Variants in AP2A1 observed in about 807,000 individuals in gnomAD.
AP2A1 encodes adaptor related protein complex 2 subunit alpha 1.
In AP2A1, 21 loss-of-function variants were observed where a neutral mutation model predicts 107.3. That is an observed-to-expected ratio of 0.20 (90% confidence interval 0.14 to 0.28). The LOEUF is 0.28. AP2A1 is among the 10% of genes least tolerant of loss of function. The probability of loss-of-function intolerance (pLI) is 1.00; values close to 1 mark genes in which losing one functional copy is unlikely to be tolerated. For synonymous variants in AP2A1, 602 were observed against 564.8 expected, an observed-to-expected ratio of 1.07 and a Z score of -0.93; for missense variants, 873 against 1,307.7, an observed-to-expected ratio of 0.67 and a Z score of 5.13.
intron 1 of AP2A1, among the ~76,000 whole-genome samples, chr19:49,770,836 G>A (rs1293389435): frequency 6.6e-6 from 1 of 152,072 alleles, no homozygotes; most frequent in East Asian, 1.9e-4. Flanking sequence ...GGGAGTGACT[G>A]CTCATGAATG....
intron 4 of AP2A1, among the ~76,000 whole-genome samples, chr19:49,786,934 C>G (rs766762928): frequency 6.6e-6 from 1 of 152,176 alleles, no homozygotes; most frequent in Non-Finnish European, 1.5e-5. Context: ...TAGGCTGCCC[C>G]CTCCACACTG....
chr19:49,777,076 G>GAAAAA (rs563994455), intron 1 of AP2A1, among the ~76,000 whole-genome samples: 15 of 139,006 alleles, frequency 1.1e-4, no homozygotes, highest in Middle Eastern at 3.6e-3. Flanking sequence ...TAAAAATGCG[G>GAAAAA]AAAAAAAAAA....
At chr19:49,773,067 T>C (rs1201329555) in intron 1 of AP2A1, among the ~76,000 whole-genome samples, 2 of 151,734 alleles carry the variant, frequency 1.3e-5, no homozygotes, top group Non-Finnish European at 2.9e-5. Context: ...CAGGAGGATC[T>C]GAAGGGCACA....
At chr19:49,778,193 G>C (rs2084636437) in intron 1 of AP2A1, among the ~76,000 whole-genome samples, 1 of 152,152 alleles carries the variant, frequency 6.6e-6, no homozygotes, top group African/African-American at 2.4e-5. Context: ...GTTTTGTTGT[G>C]GTGTGAACAT....
In AP2A1 at chr19:49,807,015, T is replaced by C. The variant is rs1373264986; in HGVS notation, c.*257T>C. 6.6e-7 allele frequency: 1 copy of C among 1,511,264 alleles called. No individual in the cohort carries two copies. The highest frequency in any genetic ancestry group is 2.0e-5 in the Admixed American group (1 of 50,098). The allele number at this position is 1,511,264 out of a possible 1,614,324, so 93.6% of individuals were successfully genotyped here. ...GGGAGAGGGGCCAGGGAAGTGGATG[T>C]CTCCTCCCCTCCCACCCCACCCTGT... is the stretch of plus-strand genomic sequence containing the variant. On this transcript the variant is annotated 3_prime_UTR_variant, in exon 23 of 23. Coordinates refer to ENST00000354293, the MANE Select transcript of AP2A1 (RefSeq NM_130787.3).
intron 1 of AP2A1, among the ~76,000 whole-genome samples, chr19:49,775,129 G>A (rs563399286): frequency 6.6e-5 from 10 of 152,124 alleles, no homozygotes; most frequent in Non-Finnish European, 1.5e-4. Context: ...TTCGGAGGCT[G>A]AGATGGGACG....
intron 1 of AP2A1, among the ~76,000 whole-genome samples, chr19:49,780,551 G>A (rs940480721): frequency 3.3e-5 from 5 of 152,172 alleles, no homozygotes; most frequent in African/African-American, 4.8e-5. Context: ...TTGATGGGCC[G>A]TGGAGTGGAG....
intron 6 of AP2A1, 96 bp from the exon 7 acceptor site, chr19:49,795,534 T>G: frequency 1.3e-6 from 1 of 791,778 alleles, no homozygotes. Flanking sequence ...CTGACAGCAC[T>G]GCCCTTGGAA....
In AP2A1 at chr19:49,805,466, G is replaced by A. The variant is rs1214027271; in HGVS notation, c.2358G>A (p.Gln786=). ...CCTGGCGGGCACAGCTGGCTGTGCA[G>A]ACCAAGCGCGTGGCGGCGCAGGTGG... ...PGDLQTQLAV[Q]TKRVAAQVDG... Residue 786 remains glutamine (Q), a synonymous_variant, in exon 19 of 23, where the codon CAG becomes CAA. Coordinates refer to ENST00000354293, the MANE Select transcript of AP2A1 (RefSeq NM_130787.3). 1.3e-6 allele frequency: 2 copies of A among 1,547,956 alleles called. No homozygotes were observed. The highest frequency in any genetic ancestry group is 2.4e-5 in the South Asian group (2 of 83,970).
In AP2A1 at chr19:49,799,941, ACT is replaced by A. The variant is rs768733259; in HGVS notation, c.1273-19_1273-18del. 1.5e-4 allele frequency: 247 copies of A among 1,607,392 alleles called. 1 individual carries two copies. Among genetic ancestry groups the A allele is most frequent in the Non-Finnish European group, 1.8e-4 (210 of 1,174,998 alleles). ...GAAAGCCCGACATGGCCTGCGGCAC[ACT>A]CTCTCTCACACGCCCCGGCGGCAGG... On this transcript the variant is annotated intron_variant, in intron 10 of 22. Transcript: ENST00000354293.
At chr19:49,797,837 T>C (rs146799010) in intron 7 of AP2A1, among the ~76,000 whole-genome samples, 3 of 150,450 alleles carry the variant, frequency 2.0e-5, no homozygotes, top group African/African-American at 7.3e-5. Flanking sequence ...TCCCAGCACT[T>C]TGGGAGGCTG....
Position 49,799,408 on chromosome 19 carries a change from C to T in AP2A1, c.1047C>T (p.Ala349=), listed in dbSNP as rs973318690. 1 of 1,612,490 alleles carries T rather than the reference C, an allele frequency of 6.2e-7. No homozygotes were observed. Among genetic ancestry groups the T allele is most frequent in the Non-Finnish European group, 8.5e-7 (1 of 1,179,516 alleles). The part of the protein sequence containing the change: ...QHRETNLRYL[A]LESMCTLASS... ...GGGAGACCAACCTGCGCTACCTGGC[C>T]CTGGAGAGCATGTGCACGCTGGCCA... Residue 349 remains alanine, a synonymous_variant, in exon 9 of 23, where the codon GCC becomes GCT. Coordinates refer to ENST00000354293, the MANE Select transcript of AP2A1 (RefSeq NM_130787.3).
rs542939780 is a variant in AP2A1 at position 49,790,945 on chromosome 19, C to T, written c.474-990C>T. Among the ~76,000 whole-genome samples the T allele has an allele frequency of 3.9e-5, 6 of 152,354 alleles. No individual in the cohort carries two copies. In the East Asian group the frequency reaches 9.6e-4, roughly 24 times the overall value. ...AACATCACGCTGATTCTCTGCTCACCACCCACAGCGGCTTTCATCTCCCAA... is the reference window on the plus strand; with the variant it reads ...AACATCACGCTGATTCTCTGCTCACTACCCACAGCGGCTTTCATCTCCCAA... On this transcript the variant is annotated intron_variant, in intron 4 of 22. Coordinates refer to ENST00000354293, the MANE Select transcript of AP2A1 (RefSeq NM_130787.3).
At chr19:49,790,339 C>A (rs2073126225) in intron 4 of AP2A1, among the ~76,000 whole-genome samples, 1 of 152,158 alleles carries the variant, frequency 6.6e-6, no homozygotes, top group Non-Finnish European at 1.5e-5. Flanking sequence ...CTTATAAGGA[C>A]CCTGTGATGA....
chr19:49,798,218 G>T (rs972789179), intron 7 of AP2A1, among the ~76,000 whole-genome samples: 1 of 152,222 alleles, frequency 6.6e-6, no homozygotes, highest in East Asian at 1.9e-4. Flanking sequence ...GTGAGCTGCT[G>T]GCTGGCATCT....
At chr19:49,802,245 C>G (rs753342823) in intron 15 of AP2A1, 104 bp downstream of exon 15, 1 of 951,346 alleles carries the variant, frequency 1.1e-6, no homozygotes, top group Non-Finnish European at 1.6e-6. Flanking sequence ...GCCCCCGACT[C>G]GCTCCTCTCT....
At chr19:49,769,396 G>A (rs932925495) in intron 1 of AP2A1, among the ~76,000 whole-genome samples, 2 of 152,286 alleles carry the variant, frequency 1.3e-5, no homozygotes, top group East Asian at 1.9e-4. Flanking sequence ...GGAAATGGTC[G>A]GGAGAGGGAC....
At chr19:49,777,380 A>G (rs2084627203) in intron 1 of AP2A1, among the ~76,000 whole-genome samples, 1 of 151,802 alleles carries the variant, frequency 6.6e-6, no homozygotes, top group Admixed American at 6.6e-5. Flanking sequence ...TCATGCCTGT[A>G]ATCATAGCAC....
Position 49,799,340 on chromosome 19 carries a change from C to T in AP2A1, c.979C>T (p.Leu327=). ...IIHYDSEPNL[L]VRACNQLGQF... ...CCCTGCTGGCAGTGAGCCCAACCTC[C>T]TGGTTCGGGCCTGCAACCAGCTGGG... The change falls in exon 9 of 23, where the codon CTG becomes TTG. Residue 327 remains leucine (L), a synonymous_variant. Coordinates refer to ENST00000354293, the MANE Select transcript of AP2A1 (RefSeq NM_130787.3). The T allele has an allele frequency of 6.2e-7, 1 of 1,610,872 alleles. No homozygotes were observed. Among genetic ancestry groups the T allele is most frequent in the Non-Finnish European group, 8.5e-7 (1 of 1,179,418 alleles).
Sources: allele counts gnomAD v4.1 joint callset (sites outside exome capture counted in the v4.1 genomes callset), GRCh38; gene constraint gnomAD v4.1.1; transcripts MANE v1.5; gene names NCBI Gene and HGNC (gene_info 2026-07-23, HGNC 2026-07-21).